PLEKHG5: variants seen among roughly 807,000 people sequenced by gnomAD.
PLEKHG5 encodes the protein pleckstrin homology and RhoGEF domain containing G5.
Under a neutral mutation model 103.8 loss-of-function variants are expected in PLEKHG5, and 52 were observed. The ratio of observed to expected loss-of-function variants is 0.50; its 90% CI spans 0.40 to 0.63. PLEKHG5 has a LOEUF of 0.63. Ranked by LOEUF, PLEKHG5 falls within the 30% of genes least tolerant of loss-of-function variation. The pLI is 0.00. For missense variants in PLEKHG5, 1,205 were observed against 1,347.6 expected (o/e 0.89, Z 1.66); for synonymous variants, 592 against 575.5 (o/e 1.03, Z -0.41).
At chr1:6,474,657 C>G in intron 5 of PLEKHG5, 70 bp from the exon 6 acceptor site, 2 of 1,451,750 alleles carry the variant, frequency 1.4e-6, no homozygotes, top group South Asian at 1.2e-5. Flanking sequence ...GCCCCGCCCC[C>G]ACGAGCCCCC....
upstream of PLEKHG5, chr1:6,497,435 C>T (rs1569980106): frequency 3.0e-6 from 2 of 666,620 alleles, no homozygotes; most frequent in Non-Finnish European, 3.7e-6. The surrounding 1 kb of genome is among the most constrained non-coding windows in gnomAD (Gnocchi z 6.1). Context: ...GGGAGGCGGG[C>T]GGGGCAGGTG....
chr1:6,495,626 G>A (rs1557765285), upstream of PLEKHG5, among the ~76,000 whole-genome samples: 1 of 152,196 alleles, frequency 6.6e-6, no homozygotes, highest in African/African-American at 2.4e-5. Context: ...ATCTCAGAAG[G>A]CCGGAGGAGG....
At chr1:6,494,174 A>G (rs1432464252), upstream of PLEKHG5, among the ~76,000 whole-genome samples, 1 of 126,116 alleles carries the variant, frequency 7.9e-6, no homozygotes, top group African/African-American at 3.2e-5. Flanking sequence ...CTTGTTGCCC[A>G]GGCTGGAGTG....
At chr1:6,485,106 C>T (rs918373505) in intron 1 of PLEKHG5, among the ~76,000 whole-genome samples, 1 of 152,170 alleles carries the variant, frequency 6.6e-6, no homozygotes, top group African/African-American at 2.4e-5. Context: ...GCGGGGACAT[C>T]TCAGCCGGCG....
rs1386947780 is a variant in PLEKHG5 at position 6,505,063 on chromosome 1, A to G, written c.-164-8494T>C. Among the ~76,000 whole-genome samples the G allele has an allele frequency of 6.6e-6, 1 of 152,132 alleles. No homozygotes were observed. The highest frequency in any genetic ancestry group is 2.1e-4 in the South Asian group (1 of 4,830). On this transcript the variant is annotated intron_variant, in intron 1 of 21. Coordinates refer to the PLEKHG5 transcript ENST00000377740. This position sits in a 1 kb window ranked among gnomAD's most constrained non-coding sequence, Gnocchi z 4.2. Reference sequence around the variant, plus strand: ...CTGGGCTTGTGGCCTGGGGGAGGCCAGCTCCTGGGCCCGAGGATGAGGCTA... The same window carrying G: ...CTGGGCTTGTGGCCTGGGGGAGGCCGGCTCCTGGGCCCGAGGATGAGGCTA...
upstream of PLEKHG5, among the ~76,000 whole-genome samples, chr1:6,495,897 T>G (rs1645217134): frequency 6.6e-6 from 1 of 152,178 alleles, no homozygotes; most frequent in African/African-American, 2.4e-5. Context: ...GCCCAGCACA[T>G]CACAGGCAGA....
At chr1:6,483,173 A>G (rs1644943865) in intron 1 of PLEKHG5, among the ~76,000 whole-genome samples, 1 of 152,192 alleles carries the variant, frequency 6.6e-6, no homozygotes, top group Non-Finnish European at 1.5e-5. Flanking sequence ...CTGACAGGAA[A>G]GGGAACAGGG....
chr1:6,467,652 G>A lies in PLEKHG5; in HGVS notation c.3012-80C>T, dbSNP rs1644422481. ...CTCTGGTCACCCTCTCTTCCCCACGGCACTCCTCAGGCCCCTTCACTGCTG... is the reference window on the plus strand; with the variant it reads ...CTCTGGTCACCCTCTCTTCCCCACGACACTCCTCAGGCCCCTTCACTGCTG... On this transcript the variant is annotated intron_variant, in intron 20 of 20. Transcript: ENST00000377728. The A allele has an allele frequency of 2.0e-6, 3 of 1,506,196 alleles. No individual in the cohort carries two copies. The Admixed American group carries it at 5.0e-5, about 25-fold the overall frequency. The allele number at this position is 1,506,196 out of a possible 1,614,324, so 93.3% of individuals were successfully genotyped here.
upstream of PLEKHG5, among the ~76,000 whole-genome samples, chr1:6,498,329 G>A (rs1165709369): frequency 2.0e-5 from 3 of 152,210 alleles, no homozygotes; most frequent in Non-Finnish European, 1.5e-5. Context: ...CCTCTCAGCT[G>A]GAGCCTCCCT....
At chr1:6,516,866 G>GTGTGTATATATATATA (rs1288870331) in intron 1 of PLEKHG5, among the ~76,000 whole-genome samples, 1 of 25,828 alleles carries the variant, frequency 3.9e-5, no homozygotes, top group East Asian at 1.0e-3. Flanking sequence ...GTATATATGT[G>GTGTGTATATATATATA]TATATATATA....
chr1:6,506,835 T>C (rs1033316979), intron 1 of PLEKHG5, among the ~76,000 whole-genome samples: 6 of 152,166 alleles, frequency 3.9e-5, no homozygotes, highest in African/African-American at 1.4e-4. Context: ...CTGGGCTCCC[T>C]TTCGGGGCTG....
At chr1:6,489,101 G>C (rs1236490838) in intron 1 of PLEKHG5, among the ~76,000 whole-genome samples, 1 of 152,210 alleles carries the variant, frequency 6.6e-6, no homozygotes, top group Non-Finnish European at 1.5e-5. Context: ...CCTGGAACCA[G>C]GAGTCCGAGC....
At chr1:6,519,035 G>A (rs1301212131) in intron 1 of PLEKHG5, among the ~76,000 whole-genome samples, 1 of 152,162 alleles carries the variant, frequency 6.6e-6, no homozygotes, top group African/African-American at 2.4e-5. Context: ...GTAGAGACGG[G>A]GTTTCACCGT....
chr1:6,513,859 C>T (rs1638543019), intron 1 of PLEKHG5, among the ~76,000 whole-genome samples: 2 of 152,196 alleles, frequency 1.3e-5, no homozygotes, highest in Admixed American at 6.5e-5. Flanking sequence ...AGTCAAGGGC[C>T]CTTCCCCGCT....
rs1644467368 is a variant in PLEKHG5, at chr1:6,468,571, G to T, written c.2265C>A (p.Ser755=). 6.2e-7 allele frequency: 1 copy of T among 1,612,878 alleles called. No individual in the cohort carries two copies. ...CCACAACCATGGCCAGGGTCTCCGT[G>T]GAGCCATCTGAGGCACTGTGGGGCC... ...PDSQHCASDG[S]TETLAMVVVE... The change falls in exon 20 of 21, where the codon TCC becomes TCA. Residue 755 remains serine, a synonymous_variant. Transcript: ENST00000377728.
upstream of PLEKHG5, among the ~76,000 whole-genome samples, chr1:6,495,931 C>T (rs1284964074): frequency 6.6e-6 from 1 of 152,254 alleles, no homozygotes; most frequent in Middle Eastern, 3.2e-3. Context: ...TACTATTATC[C>T]TCCTTCCTGC....
At position 6,512,674 on chromosome 1, in the gene PLEKHG5, C is replaced by T. The variant is rs180735909; in HGVS notation, c.-165+6771G>A. ...CTGTCTCCAGGATGTCTTTCAGTGC[C>T]ATCAGCCCTGCCCTGCGCTGGCACA... On this transcript the variant is annotated intron_variant, in intron 1 of 21. Transcript: ENST00000377740. Among the ~76,000 whole-genome samples the T allele has an allele frequency of 2.6e-3, 389 of 152,368 alleles. 2 individuals are homozygous for T. Among genetic ancestry groups the T allele is most frequent in the Non-Finnish European group, 3.2e-3 (215 of 68,034 alleles).
At chr1:6,513,204 G>T (rs1435864548) in intron 1 of PLEKHG5, among the ~76,000 whole-genome samples, 1 of 152,220 alleles carries the variant, frequency 6.6e-6, no homozygotes, top group Admixed American at 6.5e-5. Flanking sequence ...CAGGGCAGGT[G>T]CCAGGGAAAT....
At position 6,468,052 on chromosome 1, in the gene PLEKHG5, A is replaced by G. The variant is rs1373511790; in HGVS notation, c.2784T>C (p.Asp928=). 10 of 1,567,344 alleles carry G rather than the reference A, an allele frequency of 6.4e-6. No homozygotes were observed. The highest frequency in any genetic ancestry group is 6.0e-6 in the Non-Finnish European group (7 of 1,158,592). The change falls in exon 20 of 21, where the codon GAT becomes GAC. Residue 928 remains aspartate, a synonymous_variant. Transcript: ENST00000377728. ...TGCCAGGGCTAGGGGCCCCTCGGCA[A>G]TCCCAGCTGGGCCCAGCTTCCTGAG... ...GSPQEAGPSW[D]CRGAPSPGSG... is the part of the protein sequence containing the mutation.
Sources: gnomAD v4.1 joint callset for allele counts (sites outside exome capture counted in the v4.1 genomes callset) on GRCh38, gnomAD v4.1.1 for gene constraint, Gnocchi (gnomAD v3.1) non-coding constraint, MANE v1.5 for transcripts, NCBI Gene and HGNC (gene_info 2026-07-23, HGNC 2026-07-21) for gene names.